C12orf56: variants seen among roughly 807,000 people sequenced by gnomAD.
C12orf56 encodes uncharacterized protein C12orf56.
In C12orf56, 71 loss-of-function variants were observed where a neutral mutation model predicts 69.9. The ratio of observed to expected loss-of-function variants is 1.02; its 90% CI spans 0.84 to 1.24. The LOEUF (loss-of-function observed/expected upper bound fraction) is 1.24. Ranked by LOEUF, C12orf56 falls within the 50% of genes most tolerant of loss-of-function variation. The probability of loss-of-function intolerance (pLI) is 0.00; values close to 1 mark genes in which losing one functional copy is unlikely to be tolerated. For missense variants in C12orf56, 732 were observed against 738.5 expected, an observed-to-expected ratio of 0.99 and a Z score of 0.10; for synonymous variants, 276 against 274.1, an observed-to-expected ratio of 1.01 and a Z score of -0.07.
At chr12:64,272,488 A>G (rs1024145581) in intron 11 of C12orf56, among the ~76,000 whole-genome samples, 101 of 143,278 alleles carry the variant, frequency 7.0e-4, no homozygotes, top group African/African-American at 2.5e-3. Context: ...CTGGGTGACA[A>G]AGGGAGACTC....
intron 2 of C12orf56, among the ~76,000 whole-genome samples, chr12:64,340,018 A>G (rs988684509): frequency 9.2e-5 from 14 of 151,792 alleles, no homozygotes; most frequent in East Asian, 3.9e-4. Flanking sequence ...ACTCCCATAT[A>G]TATATATGGA....
At chr12:64,321,639 C>G (rs575223690) in intron 3 of C12orf56, among the ~76,000 whole-genome samples, 40 of 152,056 alleles carry the variant, frequency 2.6e-4, no homozygotes, top group African/African-American at 9.6e-4. Flanking sequence ...CTGCCCCAGC[C>G]TACAATTTCT....
At chr12:64,331,075 G>C in intron 2 of C12orf56, 43 bp from the exon 3 acceptor site, 3 of 1,429,860 alleles carry the variant, frequency 2.1e-6, no homozygotes, top group South Asian at 1.3e-5. Flanking sequence ...TAAATAATTT[G>C]ATTGAAATTA....
chr12:64,318,857 G>T lies in C12orf56; in HGVS notation c.612C>A (p.Ser204Arg). 4 of 1,537,250 alleles carry T rather than the reference G, an allele frequency of 2.6e-6. No individual in the cohort carries two copies. Among genetic ancestry groups the T allele is most frequent in the Non-Finnish European group, 3.5e-6 (4 of 1,146,918 alleles). The change falls in exon 4 of 13, where the codon AGC (serine) becomes AGA (arginine). Residue 204 changes from serine to arginine, a missense_variant. By Grantham distance (110) the Ser-to-Arg change is moderately radical (BLOSUM62 -1). Transcript: ENST00000543942. ...FRPLPSPSRRSSQSAPTTGKA... is the reference protein window; with the variant it reads ...FRPLPSPSRRRSQSAPTTGKA... ...TGCCAGTTGTTGGTGCAGACTGAGA[G>T]CTCCTCCTGGAGGGGGAAGGTAGGG... is the stretch of plus-strand genomic sequence containing the variant.
chr12:64,364,712 C>T (rs2039442291), intron 1 of C12orf56, among the ~76,000 whole-genome samples: 1 of 152,048 alleles, frequency 6.6e-6, no homozygotes, highest in Non-Finnish European at 1.5e-5. Flanking sequence ...TGTATCTTTT[C>T]GCTGTAATAA....
intron 2 of C12orf56, among the ~76,000 whole-genome samples, chr12:64,333,798 A>C (rs1003561343): frequency 6.6e-6 from 1 of 152,020 alleles, no homozygotes; most frequent in Non-Finnish European, 1.5e-5. Flanking sequence ...CACCATGCCC[A>C]GCCTATGTTA....
intron 7 of C12orf56, among the ~76,000 whole-genome samples, chr12:64,285,561 A>T (rs2136767351): frequency 1.3e-5 from 2 of 152,174 alleles, no homozygotes; most frequent in South Asian, 4.2e-4. Context: ...GCTGAGATGG[A>T]TGGATCACCT....
chr12:64,303,967 C>T (rs746461078), intron 5 of C12orf56, among the ~76,000 whole-genome samples, 188 bp from the exon 6 acceptor site: 21 of 152,202 alleles, frequency 1.4e-4, no homozygotes, highest in Non-Finnish European at 2.5e-4. Flanking sequence ...GTTTATTACG[C>T]TCCAAACATA....
intron 2 of C12orf56, among the ~76,000 whole-genome samples, chr12:64,352,675 A>C (rs2039245647): frequency 6.6e-6 from 1 of 152,166 alleles, no homozygotes; most frequent in Non-Finnish European, 1.5e-5. Context: ...GGTGAGAGCC[A>C]GTTGGCCAGA....
intron 1 of C12orf56, among the ~76,000 whole-genome samples, chr12:64,383,914 G>A (rs1023699413): frequency 4.6e-5 from 7 of 152,184 alleles, no homozygotes; most frequent in Non-Finnish European, 7.3e-5. Context: ...AAGGCTGTGA[G>A]CTAACTGCTG....
intron 3 of C12orf56, among the ~76,000 whole-genome samples, chr12:64,320,117 C>T (rs1055039326): frequency 7.9e-5 from 12 of 152,202 alleles, no homozygotes; most frequent in African/African-American, 2.9e-4. Flanking sequence ...GCTAAGTGCC[C>T]GGGTTCGTCC....
chr12:64,373,144 T>C (rs950967731), intron 1 of C12orf56, among the ~76,000 whole-genome samples: 5 of 152,184 alleles, frequency 3.3e-5, no homozygotes, highest in African/African-American at 1.2e-4. Context: ...ACAGGTACCA[T>C]TTTTTATTCA....
chr12:64,284,731 T>C lies in C12orf56; in HGVS notation c.1243A>G (p.Thr415Ala). The stretch of plus-strand genomic sequence containing the variant: ...GTTTCTCTGAACATCAATACTAGGG[T>C]CTGTATAATTTCAATGCATGCCCTA... ...ELVACIEIIQ[T>A]LVLMFRETET... Residue 415 changes from threonine (T) to alanine (A), a missense_variant, in exon 8 of 13, where the codon ACC becomes GCC. Thr to Ala is a moderately conservative substitution (Grantham distance 58, BLOSUM62 0). Coordinates refer to ENST00000543942, the MANE Select transcript of C12orf56 (RefSeq NM_001170633.2). 2 of 1,607,438 alleles carry C rather than the reference T, an allele frequency of 1.2e-6. No homozygotes were observed. Among genetic ancestry groups the C allele is most frequent in the Non-Finnish European group, 1.7e-6 (2 of 1,177,342 alleles).
intron 6 of C12orf56, among the ~76,000 whole-genome samples, chr12:64,289,415 C>A (rs2038259144): frequency 1.2e-5 from 1 of 81,332 alleles, no homozygotes; most frequent in Non-Finnish European, 2.6e-5. Context: ...AGAGGGCATC[C>A]CTGTCTTGTG....
intron 6 of C12orf56, among the ~76,000 whole-genome samples, chr12:64,297,541 G>A (rs993125431): frequency 4.5e-4 from 68 of 152,040 alleles, no homozygotes; most frequent in African/African-American, 1.3e-3. Context: ...CTATTCCCCC[G>A]TCCGCCGACA....
chr12:64,312,369 G>A (rs2038630415), intron 5 of C12orf56, among the ~76,000 whole-genome samples: 1 of 152,118 alleles, frequency 6.6e-6, no homozygotes, highest in East Asian at 1.9e-4. Context: ...CACTTTGGGA[G>A]GCCAAGGCAG....
chr12:64,282,779 A>AG (rs1185543115), intron 8 of C12orf56, among the ~76,000 whole-genome samples: 1 of 151,544 alleles, frequency 6.6e-6, no homozygotes, highest in Non-Finnish European at 1.5e-5. Flanking sequence ...AAAAAAAAAA[A>AG]GAAAAGAAAA....
chr12:64,274,987 A>C lies in C12orf56; in HGVS notation c.1510-12T>G. 1 of 1,591,324 alleles carries C rather than the reference A, an allele frequency of 6.3e-7. No individual in the cohort carries two copies. Among genetic ancestry groups the C allele is most frequent in the Non-Finnish European group, 8.6e-7 (1 of 1,159,654 alleles). ...AATCCGAGATTTCCCTAAAAGACTC[A>C]AGGAAATAAACAAGTTATATTCATA... On this transcript the variant is annotated splice_polypyrimidine_tract_variant and intron_variant, in intron 10 of 12. Coordinates refer to ENST00000543942, the MANE Select transcript of C12orf56 (RefSeq NM_001170633.2).
In C12orf56 at chr12:64,352,889, C is replaced by G; in HGVS notation, c.415+5G>C. ...TAGATCCAGAGACAGATTGGAAGTA[C>G]CTACCTTTCTTGTTGTTAGCTTTAG... is the stretch of plus-strand genomic sequence containing the variant. On this transcript the variant is annotated splice_donor_5th_base_variant and intron_variant, in intron 2 of 12. Transcript: ENST00000543942. 1 of 1,595,904 alleles carries G rather than the reference C, an allele frequency of 6.3e-7. No individual in the cohort carries two copies. The highest frequency in any genetic ancestry group is 8.5e-7 in the Non-Finnish European group (1 of 1,174,418).
Sources: allele counts gnomAD v4.1 joint callset (sites outside exome capture counted in the v4.1 genomes callset), GRCh38; gene constraint gnomAD v4.1.1; transcripts MANE v1.5; gene names NCBI Gene and HGNC (gene_info 2026-07-23, HGNC 2026-07-21).